KRT4: variants seen among roughly 807,000 people sequenced by gnomAD.
KRT4 encodes the protein keratin 4, also known as keratin, type II cytoskeletal 4.
A neutral mutation model predicts 50.6 loss-of-function variants in KRT4; 47 were observed. The ratio of observed to expected loss-of-function variants is 0.93; its 90% confidence interval spans 0.73 to 1.18. The LOEUF (loss-of-function observed/expected upper bound fraction) is 1.18, where lower values mean the gene tolerates loss of function less well. Ranked by LOEUF, KRT4 falls within the 50% of genes most tolerant of loss-of-function variation. KRT4 has a pLI of 0.00. For synonymous variants in KRT4, 254 were observed against 251.2 expected (o/e 1.01, Z -0.10); for missense variants, 651 against 645.7 (o/e 1.01, Z -0.09).
rs1247871268 is a variant in KRT4 at position 52,806,964 on chromosome 12, T to A, written c.*105A>T. ...CATGGGATAGTGGAGGGGATACTAG[T>A]AAGATGAGCCCCAGAGACAGAGGAT... is the stretch of plus-strand genomic sequence containing the variant. On this transcript the variant is annotated 3_prime_UTR_variant, in exon 9 of 9. Coordinates refer to ENST00000551956, the MANE Select transcript of KRT4 (RefSeq NM_002272.4). 2 of 1,103,610 alleles carry A rather than the reference T, an allele frequency of 1.8e-6. No homozygotes were observed. Among genetic ancestry groups the A allele is most frequent in the African/African-American group, 1.5e-5 (1 of 65,290 alleles). 68.4% of individuals were successfully genotyped at this position (1,103,610 alleles called of 1,614,324 possible). A position where few individuals can be genotyped will look rare whatever the true frequency, so the allele number is the denominator to read the frequency against.
rs769231045 is a variant in KRT4, at chr12:52,813,944, C to T, written c.115G>A (p.Ala39Thr). ...AFSSVSMSGG[A>T]GRCSSGGFGS... ...AATCCCCCAGAAGAGCATCGGCCAGCACCTCCAGACATGGAGACTGAGCTG... is the reference window on the plus strand; with the variant it reads ...AATCCCCCAGAAGAGCATCGGCCAGTACCTCCAGACATGGAGACTGAGCTG... The change falls in exon 1 of 9, where the codon GCT becomes ACT. Residue 39 changes from alanine (A) to threonine (T), a missense_variant. By Grantham distance (58) the Ala-to-Thr change is moderately conservative. Coordinates refer to ENST00000551956, the MANE Select transcript of KRT4 (RefSeq NM_002272.4). The T allele has an allele frequency of 1.9e-6, 3 of 1,614,054 alleles. No individual in the cohort carries two copies. Among genetic ancestry groups the T allele is most frequent in the African/African-American group, 1.3e-5 (1 of 74,948 alleles).
rs373215213 is a variant in KRT4 at position 52,811,757 on chromosome 12, A to G, written c.677+6T>C. 3.1e-6 allele frequency: 5 copies of G among 1,610,248 alleles called. No homozygotes were observed. Among genetic ancestry groups the G allele is most frequent in the Non-Finnish European group, 4.2e-6 (5 of 1,177,650 alleles). On this transcript the variant is annotated splice_donor_region_variant and intron_variant, in intron 2 of 8. Transcript: ENST00000551956. ...AGATGGCGTCCCCTCCTTCCTCCCC[A>G]TGTACTTAGTCTTGAAGTCCTCCAC... is the stretch of plus-strand genomic sequence containing the variant.
intron 5 of KRT4, 88 bp from the exon 6 acceptor site, chr12:52,808,507 G>C: frequency 6.4e-7 from 1 of 1,568,926 alleles, no homozygotes; most frequent in South Asian, 1.1e-5. Context: ...AATTGCCACA[G>C]GTGGCAAGAA....
Position 52,813,591 on chromosome 12 carries a change from G to A in KRT4, c.462+6C>T, listed in dbSNP as rs1939948589. ...CTGCCCCTCTCCAGCCGAGGACACAGCTCACCTTGTCGATGAAGGAGGCAA... is the reference window on the plus strand; with the variant it reads ...CTGCCCCTCTCCAGCCGAGGACACAACTCACCTTGTCGATGAAGGAGGCAA... On this transcript the variant is annotated splice_donor_region_variant and intron_variant, in intron 1 of 8. Coordinates refer to ENST00000551956, the MANE Select transcript of KRT4 (RefSeq NM_002272.4). 1.9e-6 allele frequency: 3 copies of A among 1,612,896 alleles called. No homozygotes were observed. The highest frequency in any genetic ancestry group is 1.7e-6 in the Non-Finnish European group (2 of 1,179,062).
Position 52,808,236 on chromosome 12 carries a change from G to A in KRT4, c.1125+58C>T, listed in dbSNP as rs554290682. ...ATGCTTTATCTGCTTGTCCACTCTG[G>A]AGATGTCTGCCTGAGGCCCCTGGCC... is the stretch of plus-strand genomic sequence containing the variant. On this transcript the variant is annotated intron_variant, in intron 6 of 8. Transcript: ENST00000551956. The A allele has an allele frequency of 5.0e-6, 8 of 1,600,510 alleles. No homozygotes were observed. The South Asian group carries it at 5.5e-5, about 11-fold the overall frequency.
Position 52,809,485 on chromosome 12 carries a change from A to G in KRT4, c.739-7T>C, listed in dbSNP as rs746800272. 3 of 1,599,782 alleles carry G rather than the reference A, an allele frequency of 1.9e-6. No homozygotes were observed. The East Asian group carries it at 6.7e-5, about 36-fold the overall frequency. On this transcript the variant is annotated splice_region_variant and splice_polypyrimidine_tract_variant and intron_variant, in intron 3 of 8. Coordinates refer to ENST00000551956, the MANE Select transcript of KRT4 (RefSeq NM_002272.4). ...GGTAGGCAGCATCCACGTCCTGCAG[A>G]GGAGTAAGGAGGATAAGAGATGAGG...
At chr12:52,808,191 G>C in intron 6 of KRT4, 103 bp downstream of exon 6, 4 of 1,456,260 alleles carry the variant, frequency 2.7e-6, no homozygotes, top group Non-Finnish European at 3.8e-6. Flanking sequence ...CCAGCAACAA[G>C]CTCAGGGTCT....
chr12:52,811,721 G>T, intron 2 of KRT4, 42 bp downstream of exon 2: 2 of 1,525,484 alleles, frequency 1.3e-6, no homozygotes, highest in South Asian at 1.1e-5. Context: ...GTGTGGCTGG[G>T]CACATGTGTC....
rs369760401 is a variant in KRT4, at chr12:52,814,112, T to A, written c.-54A>T. 22 of 1,613,930 alleles carry A rather than the reference T, an allele frequency of 1.4e-5. No individual in the cohort carries two copies. Among genetic ancestry groups the A allele is most frequent in the Non-Finnish European group, 1.9e-5 (22 of 1,180,028 alleles). On this transcript the variant is annotated 5_prime_UTR_variant, in exon 1 of 9. Coordinates refer to ENST00000551956, the MANE Select transcript of KRT4 (RefSeq NM_002272.4). The stretch of plus-strand genomic sequence containing the variant: ...AGAGAAGTGACAGGGCCCAGGCCGG[T>A]GAGTGCTGGAGCCCTCAGCCTTCGT...
chr12:52,811,913 G>T lies in KRT4; in HGVS notation c.527C>A (p.Thr176Lys), dbSNP rs370759790. ...ETKWNLLQQQ[T>K]TTTSSKNLEP... ...AAGGTTTTTGCTGGAGGTGGTGGTCGTCTGCTGCTGGAGCAGGTTCCATTT... is the reference window on the plus strand; with the variant it reads ...AAGGTTTTTGCTGGAGGTGGTGGTCTTCTGCTGCTGGAGCAGGTTCCATTT... The change falls in exon 2 of 9, where the codon ACG becomes AAG. Residue 176 changes from threonine (T) to lysine (K), a missense_variant. By Grantham distance (78) the Thr-to-Lys change is moderately conservative (BLOSUM62 -1). Coordinates refer to ENST00000551956, the MANE Select transcript of KRT4 (RefSeq NM_002272.4). 10 of 1,613,904 alleles carry T rather than the reference G, an allele frequency of 6.2e-6. No individual in the cohort carries two copies. The South Asian group carries it at 1.1e-4, about 18-fold the overall frequency.
intron 3 of KRT4, among the ~76,000 whole-genome samples, chr12:52,810,194 C>T (rs543782744): frequency 6.6e-6 from 1 of 152,200 alleles, no homozygotes; most frequent in African/African-American, 2.4e-5. Flanking sequence ...AAAGCCCTGA[C>T]TTCACCACAA....
At chr12:52,809,894 A>G (rs576436612) in intron 3 of KRT4, among the ~76,000 whole-genome samples, 1 of 152,242 alleles carries the variant, frequency 6.6e-6, no homozygotes, top group Non-Finnish European at 1.5e-5. Context: ...AATATGATAC[A>G]TATACACAAT....
rs1939914886 is a variant in KRT4, at chr12:52,811,762, C to T, written c.677+1G>A. 1 of 1,612,022 alleles carries T rather than the reference C, an allele frequency of 6.2e-7. No individual in the cohort carries two copies. Among genetic ancestry groups the T allele is most frequent in the Non-Finnish European group, 8.5e-7 (1 of 1,178,936 alleles). ...GCGTCCCCTCCTTCCTCCCCATGTA[C>T]TTAGTCTTGAAGTCCTCCACGCTGT... On this transcript the variant is annotated splice_donor_variant, in intron 2 of 8. Transcript: ENST00000551956. LOFTEE classifies it high-confidence loss of function.
Position 52,814,028 on chromosome 12 carries a change from C to T in KRT4, c.31G>A (p.Gly11Arg), listed in dbSNP as rs371421345. 168 of 1,613,742 alleles carry T rather than the reference C, an allele frequency of 1.0e-4. No individual in the cohort carries two copies. The highest frequency in any genetic ancestry group is 8.0e-4 in the Admixed American group (48 of 59,988). Residue 11 changes from glycine (G) to arginine (R), a missense_variant, in exon 1 of 9, where the codon GGG becomes AGG. Physicochemically the swap from Gly to Arg is moderately radical, Grantham distance 125 (BLOSUM62 -2). Coordinates refer to ENST00000551956, the MANE Select transcript of KRT4 (RefSeq NM_002272.4). Reference sequence around the variant, plus strand: ...GAGCCACAGCTGAAGCCCCGGGGCCCGCCTCGGACACACTGCTGTCTGGCA... The same window carrying T: ...GAGCCACAGCTGAAGCCCCGGGGCCTGCCTCGGACACACTGCTGTCTGGCA... Reference protein sequence around the residue: MIARQQCVRGGPRGFSCGSAI... With the variant: MIARQQCVRGRPRGFSCGSAI...
intron 1 of KRT4, 127 bp downstream of exon 1, chr12:52,813,470 C>T (rs1939946260): frequency 3.6e-6 from 3 of 833,744 alleles, no homozygotes; most frequent in Non-Finnish European, 6.1e-6. Flanking sequence ...CCTTCAACAG[C>T]TGGAGAATTG....
chr12:52,810,824 T>A lies in KRT4; in HGVS notation c.678-8A>T, dbSNP rs1303163644. 6.2e-7 allele frequency: 1 copy of A among 1,612,844 alleles called. No individual in the cohort carries two copies. The highest frequency in any genetic ancestry group is 1.3e-5 in the African/African-American group (1 of 74,892). On this transcript the variant is annotated splice_polypyrimidine_tract_variant and splice_region_variant and intron_variant, in intron 2 of 8. Transcript: ENST00000551956. Reference sequence around the variant, plus strand: ...TTGATCTCCTCTTCATACCTGGGGGTGGGCACGGGGAGAAAAAGACAAAAA... The same window carrying A: ...TTGATCTCCTCTTCATACCTGGGGGAGGGCACGGGGAGAAAAAGACAAAAA...
chr12:52,808,611 T>C (rs1420869758), intron 5 of KRT4, 75 bp downstream of exon 5: 5 of 1,555,278 alleles, frequency 3.2e-6, no homozygotes, highest in Non-Finnish European at 4.4e-6. Context: ...CTTGAGCTAA[T>C]GATCACCTGT....
At chr12:52,810,352 A>G (rs542128393) in intron 3 of KRT4, among the ~76,000 whole-genome samples, 1 of 152,220 alleles carries the variant, frequency 6.6e-6, no homozygotes, top group East Asian at 1.9e-4. Context: ...GTTTGAGACC[A>G]GCCTGACCAA....
intron 5 of KRT4, 26 bp downstream of exon 5, chr12:52,808,660 T>A (rs1256317345): frequency 1.2e-6 from 2 of 1,613,398 alleles, no homozygotes; most frequent in Admixed American, 3.3e-5. Flanking sequence ...GCCAGCCCCA[T>A]CTCCTGAGAG....
Sources: gnomAD v4.1 joint callset for allele counts (sites outside exome capture counted in the v4.1 genomes callset) on GRCh38, gnomAD v4.1.1 for gene constraint, MANE v1.5 for transcripts, NCBI Gene and HGNC (gene_info 2026-07-23, HGNC 2026-07-21) for gene names.